The following LRRC8D variants were observed in gnomAD, a reference collection of about 807,000 sequenced individuals.
The protein encoded by LRRC8D is volume-regulated anion channel subunit LRRC8D.
A neutral mutation model predicts 55.8 loss-of-function variants in LRRC8D; 20 were observed. The ratio of observed to expected loss-of-function variants is 0.36; its 90% CI spans 0.25 to 0.52. LRRC8D has a LOEUF of 0.52. Among genes scored for constraint, LRRC8D ranks in the 20% least tolerant of loss-of-function variants. The pLI is 0.93. For synonymous variants in LRRC8D, 352 were observed against 377.0 expected (o/e 0.93, Z 0.77); for missense variants, 651 against 1,030.8 (o/e 0.63, Z 5.05).
At position 89,857,331 on chromosome 1, in the gene LRRC8D, G is replaced by A. The variant is rs1661584015; in HGVS notation, c.-3+13549G>A. Reference sequence around the variant, plus strand: ...TGGGAGATGGAGGTTGCGGTGAGCTGAGATCACACCATTGCATTCCAGCCT... The same window carrying A: ...TGGGAGATGGAGGTTGCGGTGAGCTAAGATCACACCATTGCATTCCAGCCT... On this transcript the variant is annotated intron_variant, in intron 2 of 2. Coordinates refer to ENST00000337338, the MANE Select transcript of LRRC8D (RefSeq NM_001134479.2). Among the ~76,000 whole-genome samples, 3 of 140,788 alleles carry A rather than the reference G, an allele frequency of 2.1e-5. No individual in the cohort carries two copies. The Admixed American group carries it at 2.3e-4, about 11-fold the overall frequency. 92.4% of individuals were successfully genotyped at this position (140,788 alleles called of 152,430 possible).
At chr1:89,870,509 G>T (rs1661980128) in intron 2 of LRRC8D, among the ~76,000 whole-genome samples, 1 of 152,020 alleles carries the variant, frequency 6.6e-6, no homozygotes, top group Non-Finnish European at 1.5e-5. Context: ...AACTAAAGGT[G>T]TCTCCTGGCC....
Position 89,933,899 on chromosome 1 carries a change from T to A in LRRC8D, c.831T>A (p.Asp277Glu), listed in dbSNP as rs1440717786. Residue 277 changes from aspartate to glutamate, a missense_variant, in exon 3 of 3, where the codon GAT (aspartate) becomes GAA (glutamate). This residue lies in a region of LRRC8D where 178 missense variants were observed against 374.9 expected (regional missense o/e 0.47). Transcript: ENST00000337338. The surrounding 1 kb of genome is among the most constrained non-coding windows in gnomAD (Gnocchi z 7.0). ...VIEVPSMTIL[D>E]KKDGEQAKAL... is the part of the protein sequence containing the mutation. ...AAGTTCCCAGCATGACAATCCTGGATAAAAAGGATGGAGAGCAGGCCAAAG... is the reference window on the plus strand; with the variant it reads ...AAGTTCCCAGCATGACAATCCTGGAAAAAAAGGATGGAGAGCAGGCCAAAG... 1.9e-6 allele frequency: 3 copies of A among 1,613,812 alleles called. No individual in the cohort carries two copies. Among genetic ancestry groups the A allele is most frequent in the Non-Finnish European group, 2.5e-6 (3 of 1,179,838 alleles).
intron 2 of LRRC8D, among the ~76,000 whole-genome samples, chr1:89,866,384 G>A (rs1245667373): frequency 1.3e-5 from 2 of 152,148 alleles, no homozygotes; most frequent in Non-Finnish European, 2.9e-5. Flanking sequence ...GGTCCAGTGT[G>A]CATTTATATC....
intron 2 of LRRC8D, among the ~76,000 whole-genome samples, chr1:89,862,266 A>G (rs768776108): frequency 3.3e-5 from 5 of 152,048 alleles, no homozygotes; most frequent in Non-Finnish European, 7.4e-5. Flanking sequence ...GTGGGCCCTA[A>G]TTTTGTTGTT....
chr1:89,919,438 A>G (rs1663355458), intron 2 of LRRC8D, among the ~76,000 whole-genome samples: 1 of 152,246 alleles, frequency 6.6e-6, no homozygotes. Flanking sequence ...GACCATGGAA[A>G]GCTGCTTGGG....
At chr1:89,932,405 G>A (rs1412404281) in intron 2 of LRRC8D, among the ~76,000 whole-genome samples, 2 of 152,138 alleles carry the variant, frequency 1.3e-5, no homozygotes, top group Non-Finnish European at 2.9e-5. Flanking sequence ...CCTCCTAAAC[G>A]CTAGACCCTT....
rs994557847 is a variant in LRRC8D, at chr1:89,894,269, G to C, written c.-2-38798G>C. 2.4e-4 allele frequency among the ~76,000 whole-genome samples: 37 copies of C among 152,178 alleles called. 1 individual carries two copies. Among genetic ancestry groups the C allele is most frequent in the African/African-American group, 8.7e-4 (36 of 41,442 alleles). ...CCAGAACTGTGAGGAATAAATGTTTGTCATTTAAGGCACCCAGCCTGTGTA... is the reference window on the plus strand; with the variant it reads ...CCAGAACTGTGAGGAATAAATGTTTCTCATTTAAGGCACCCAGCCTGTGTA... On this transcript the variant is annotated intron_variant, in intron 2 of 2. Transcript: ENST00000337338.
chr1:89,872,679 C>G (rs553554380), intron 2 of LRRC8D, among the ~76,000 whole-genome samples: 3 of 152,298 alleles, frequency 2.0e-5, no homozygotes, highest in African/African-American at 7.2e-5. Flanking sequence ...TCTCTGCTTA[C>G]TTAATGTGAC....
intron 2 of LRRC8D, among the ~76,000 whole-genome samples, chr1:89,897,728 A>G (rs188989687): frequency 8.9e-4 from 136 of 152,312 alleles, no homozygotes; most frequent in Admixed American, 2.2e-3. Flanking sequence ...AACCTGAAAA[A>G]AAAACTGATT....
intron 2 of LRRC8D, among the ~76,000 whole-genome samples, chr1:89,909,725 G>A (rs1663083916): frequency 6.6e-6 from 1 of 152,006 alleles, no homozygotes; most frequent in Non-Finnish European, 1.5e-5. Flanking sequence ...ACTTAGCCAA[G>A]CGTGGTGGCG....
At chr1:89,855,061 C>T (rs998675760) in intron 2 of LRRC8D, among the ~76,000 whole-genome samples, 1 of 152,016 alleles carries the variant, frequency 6.6e-6, no homozygotes, top group African/African-American at 2.4e-5. Flanking sequence ...TTGTTTCTCT[C>T]TCTCTCTCTC....
chr1:89,830,622 T>C (rs1660863919), intron 1 of LRRC8D, among the ~76,000 whole-genome samples: 1 of 151,816 alleles, frequency 6.6e-6, no homozygotes, highest in African/African-American at 2.4e-5. Context: ...TCATCAGGAG[T>C]GGGAGGCCCA....
At chr1:89,912,522 T>A (rs1032033672) in intron 2 of LRRC8D, among the ~76,000 whole-genome samples, 2 of 151,620 alleles carry the variant, frequency 1.3e-5, no homozygotes, top group Non-Finnish European at 2.9e-5. Context: ...CTTGTTTACC[T>A]GCCTCTATAG....
chr1:89,853,183 G>A (rs1319507309), intron 2 of LRRC8D, among the ~76,000 whole-genome samples: 8 of 152,218 alleles, frequency 5.3e-5, no homozygotes, highest in Admixed American at 1.3e-4. Flanking sequence ...TGGAAAGTAG[G>A]AAGGGAGTAA....
chr1:89,839,116 G>A (rs150497275), intron 1 of LRRC8D, among the ~76,000 whole-genome samples: 1 of 152,284 alleles, frequency 6.6e-6, no homozygotes, highest in East Asian at 1.9e-4. Context: ...CAGACCCAGG[G>A]TGAGTTTTCG....
chr1:89,843,601 C>T (rs1661193345), intron 1 of LRRC8D, 37 bp from the exon 2 acceptor site: 1 of 692,474 alleles, frequency 1.4e-6, no homozygotes, highest in Non-Finnish European at 2.6e-6. Flanking sequence ...ACACTTGGAT[C>T]TCTCTAGCTC....
At chr1:89,870,557 T>A (rs1661982485) in intron 2 of LRRC8D, among the ~76,000 whole-genome samples, 1 of 152,180 alleles carries the variant, frequency 6.6e-6, no homozygotes, top group Non-Finnish European at 1.5e-5. Context: ...TAGTTAAATT[T>A]TGTGTACTTT....
At chr1:89,859,258 CTT>C (rs76449111) in intron 2 of LRRC8D, among the ~76,000 whole-genome samples, 80 of 140,444 alleles carry the variant, frequency 5.7e-4, no homozygotes, top group African/African-American at 1.8e-3. Flanking sequence ...TAATTTGACT[CTT>C]TTTTTTTTTT....
intron 1 of LRRC8D, 135 bp from the exon 2 acceptor site, chr1:89,843,503 C>T (rs1570812160): frequency 3.7e-6 from 2 of 536,372 alleles, no homozygotes; most frequent in Non-Finnish European, 3.4e-6. Flanking sequence ...GCCAGGGGAG[C>T]GCTGGGTGCC....
Sources: allele counts gnomAD v4.1 joint callset (sites outside exome capture counted in the v4.1 genomes callset), GRCh38; gene constraint gnomAD v4.1.1; regional missense constraint gnomAD v4.1.1; non-coding constraint Gnocchi (gnomAD v3.1); transcripts MANE v1.5; gene names NCBI Gene and HGNC (gene_info 2026-07-23, HGNC 2026-07-21).